The following GABRB3 variants were observed in gnomAD, a reference collection of about 807,000 sequenced individuals.
GABRB3 encodes gamma-aminobutyric acid type A receptor subunit beta3.
In GABRB3, 14 loss-of-function variants were observed where a neutral mutation model predicts 52.1. That is an observed-to-expected ratio of 0.27 (90% CI 0.18 to 0.42). The LOEUF (loss-of-function observed/expected upper bound fraction) is 0.42, where lower values mean the gene tolerates loss of function less well. Ranked by LOEUF, GABRB3 falls within the 10% of genes least tolerant of loss-of-function variation. The pLI, the probability that GABRB3 is intolerant of heterozygous loss-of-function variation, is 1.00. For synonymous variants in GABRB3, 260 were observed against 232.3 expected, an observed-to-expected ratio of 1.12 and a Z score of -1.08; for missense variants, 307 against 609.1, an observed-to-expected ratio of 0.50 and a Z score of 5.22.
In GABRB3 at chr15:26,550,845, T is replaced by C. The variant is rs538588253; in HGVS notation, c.1081-2711A>G. Among the ~76,000 whole-genome samples the C allele has an allele frequency of 9.8e-5, 15 of 152,354 alleles. No individual in the cohort carries two copies. In the South Asian group the frequency reaches 2.9e-3, roughly 29 times the overall value. ...CAGAATCATGAGATAAAACACGGTC[T>C]TATTTGAAGCTACTAAATTTGTGGT... is the stretch of plus-strand genomic sequence containing the variant. On this transcript the variant is annotated intron_variant, in intron 8 of 8. Coordinates refer to ENST00000311550, the MANE Select transcript of GABRB3 (RefSeq NM_000814.6).
At chr15:26,684,467 A>G (rs538940460) in intron 3 of GABRB3, among the ~76,000 whole-genome samples, 39 of 152,330 alleles carry the variant, frequency 2.6e-4, no homozygotes, top group African/African-American at 8.9e-4. Flanking sequence ...ATTTCTTTCA[A>G]TAATGTTTCC....
chr15:26,656,804 C>G (rs371516115), intron 3 of GABRB3, among the ~76,000 whole-genome samples: 88 of 152,258 alleles, frequency 5.8e-4, no homozygotes, highest in African/African-American at 2.0e-3. Context: ...GAAACAGATG[C>G]CTGGTGCCAA....
At chr15:26,742,960 C>T (rs574534504) in intron 3 of GABRB3, among the ~76,000 whole-genome samples, 358 of 123,926 alleles carry the variant, frequency 2.9e-3, no homozygotes, top group African/African-American at 8.5e-3. Flanking sequence ...GACAGAGTCT[C>T]GCTATGGCGC....
At chr15:26,702,395 A>G (rs1464393905) in intron 3 of GABRB3, among the ~76,000 whole-genome samples, 1 of 152,230 alleles carries the variant, frequency 6.6e-6, no homozygotes, top group Non-Finnish European at 1.5e-5. Flanking sequence ...AAACAACTCC[A>G]TAAGATAATG....
intron 3 of GABRB3, among the ~76,000 whole-genome samples, chr15:26,628,694 AAAAC>A (rs1372605420): frequency 2.7e-4 from 36 of 132,034 alleles, no homozygotes; most frequent in South Asian, 2.0e-3. Flanking sequence ...AAAAAACAAA[AAAAC>A]AAAACAAAAC....
chr15:26,648,291 T>C (rs957706780), intron 3 of GABRB3, among the ~76,000 whole-genome samples: 6 of 152,222 alleles, frequency 3.9e-5, no homozygotes, highest in Admixed American at 2.0e-4. Context: ...TTAAGGTTCA[T>C]CCATGTGGAA....
intron 3 of GABRB3, chr15:26,658,723 C>T (rs1425063432): frequency 6.6e-6 from 1 of 152,230 alleles, no homozygotes; most frequent in Non-Finnish European, 1.5e-5. Flanking sequence ...CCAGCATTTG[C>T]AGGCTTTGTG....
At chr15:26,722,316 C>A (rs60778271) in intron 3 of GABRB3, among the ~76,000 whole-genome samples, 2 of 152,144 alleles carry the variant, frequency 1.3e-5, no homozygotes, top group Non-Finnish European at 2.9e-5. Context: ...GATCTCTGGA[C>A]GGCTGTTTGG....
At chr15:26,693,806 G>A (rs1304304828) in intron 3 of GABRB3, among the ~76,000 whole-genome samples, 1 of 152,178 alleles carries the variant, frequency 6.6e-6, no homozygotes, top group Non-Finnish European at 1.5e-5. Context: ...ATGGAGCATA[G>A]CCTACCTTGA....
intron 7 of GABRB3, among the ~76,000 whole-genome samples, chr15:26,565,368 A>G (rs1960372511): frequency 6.6e-6 from 1 of 151,928 alleles, no homozygotes; most frequent in Admixed American, 6.6e-5. Flanking sequence ...GTCTGGCCAG[A>G]CCCACAGCCC....
At chr15:26,700,012 A>G (rs945136874) in intron 3 of GABRB3, among the ~76,000 whole-genome samples, 8 of 152,212 alleles carry the variant, frequency 5.3e-5, no homozygotes, top group East Asian at 3.9e-4. Context: ...TTAGAAGTCA[A>G]TAAGAGAGAA....
At chr15:26,665,799 A>C (rs1221759846) in intron 3 of GABRB3, among the ~76,000 whole-genome samples, 1 of 152,190 alleles carries the variant, frequency 6.6e-6, no homozygotes, top group Non-Finnish European at 1.5e-5. Context: ...TTTTCTTTTA[A>C]AGGTGCTAAT....
At chr15:26,690,876 C>CA (rs904739477) in intron 3 of GABRB3, among the ~76,000 whole-genome samples, 9 of 150,704 alleles carry the variant, frequency 6.0e-5, no homozygotes, top group African/African-American at 2.2e-4. Flanking sequence ...AGGAATTATG[C>CA]AAAACCTGTC....
intron 3 of GABRB3, among the ~76,000 whole-genome samples, chr15:26,709,515 CTTTTT>C (rs57044167): frequency 2.2e-5 from 2 of 92,000 alleles, no homozygotes; most frequent in South Asian, 4.7e-4. Context: ...TTTTTTCTTT[CTTTTT>C]TTTTTTTTTT....
chr15:26,756,445 G>T (rs989104628), intron 3 of GABRB3, among the ~76,000 whole-genome samples: 4 of 151,802 alleles, frequency 2.6e-5, no homozygotes, highest in Non-Finnish European at 4.4e-5. Flanking sequence ...AGGTGTGGTG[G>T]TGCACACGTG....
intron 3 of GABRB3, among the ~76,000 whole-genome samples, chr15:26,766,370 T>C (rs1038142650): frequency 1.4e-4 from 21 of 152,300 alleles, no homozygotes; most frequent in African/African-American, 5.1e-4. Context: ...AATCAAGAAG[T>C]CTGCAGTCCC....
At chr15:26,602,355 G>A (rs1013494948) in intron 4 of GABRB3, among the ~76,000 whole-genome samples, 77 of 152,196 alleles carry the variant, frequency 5.1e-4, no homozygotes, top group Admixed American at 1.8e-3. Context: ...AAATCTCCCC[G>A]ATAGAAGATC....
At chr15:26,762,237 T>C (rs1231244184) in intron 3 of GABRB3, among the ~76,000 whole-genome samples, 3 of 151,022 alleles carry the variant, frequency 2.0e-5, no homozygotes, top group Admixed American at 1.3e-4. Flanking sequence ...ACAAAAAATA[T>C]CTTATTTTTT....
intron 8 of GABRB3, among the ~76,000 whole-genome samples, chr15:26,556,118 G>T (rs894874314): frequency 6.6e-6 from 1 of 152,128 alleles, no homozygotes; most frequent in Admixed American, 6.5e-5. Context: ...ATCATTTCAT[G>T]AATACTCTTT....
Sources: allele counts gnomAD v4.1 joint callset (sites outside exome capture counted in the v4.1 genomes callset), GRCh38; gene constraint gnomAD v4.1.1; transcripts MANE v1.5; gene names NCBI Gene and HGNC (gene_info 2026-07-23, HGNC 2026-07-21).